LPAR1: variants seen among roughly 807,000 people sequenced by gnomAD.
LPAR1 encodes LPA receptor 1.
LPAR1 carries 5 observed loss-of-function variants against 23.8 expected under a neutral mutation model. The observed-to-expected ratio is 0.21, with a 90% CI of 0.11 to 0.44. The LOEUF (loss-of-function observed/expected upper bound fraction) is 0.44. Ranked by LOEUF, LPAR1 falls within the 20% of genes least tolerant of loss-of-function variation. The probability of loss-of-function intolerance (pLI) is 0.99; values close to 1 mark genes in which losing one functional copy is unlikely to be tolerated. For missense variants in LPAR1, 311 were observed against 482.8 expected (o/e 0.64, Z 3.33); for synonymous variants, 160 against 164.7 (o/e 0.97, Z 0.22).
At chr9:110,907,947 A>G (rs2091650374) in intron 5 of LPAR1, among the ~76,000 whole-genome samples, 1 of 151,614 alleles carries the variant, frequency 6.6e-6, no homozygotes, top group South Asian at 2.1e-4. Flanking sequence ...ACACACACAC[A>G]CACACACACA....
At chr9:111,020,422 C>T (rs1257411620) in intron 2 of LPAR1, among the ~76,000 whole-genome samples, 1 of 152,146 alleles carries the variant, frequency 6.6e-6, no homozygotes, top group Non-Finnish European at 1.5e-5. Flanking sequence ...TGACTAAACC[C>T]CTGCTTGAGT....
intron 4 of LPAR1, among the ~76,000 whole-genome samples, chr9:110,967,125 G>A (rs1184085194): frequency 3.9e-5 from 6 of 152,096 alleles, no homozygotes; most frequent in African/African-American, 1.2e-4. Flanking sequence ...TCAGTGTCTG[G>A]ACCAGCAGAA....
At chr9:110,992,577 G>C (rs896490334) in intron 2 of LPAR1, among the ~76,000 whole-genome samples, 1 of 152,040 alleles carries the variant, frequency 6.6e-6, no homozygotes, top group Non-Finnish European at 1.5e-5. Flanking sequence ...CCAAAAACTG[G>C]AAACAGCTCA....
At chr9:110,913,556 A>G (rs989248850) in intron 5 of LPAR1, among the ~76,000 whole-genome samples, 1 of 78,184 alleles carries the variant, frequency 1.3e-5, no homozygotes, top group African/African-American at 3.5e-5. Context: ...TTTAATAAGT[A>G]TATATATATA....
At chr9:111,027,737 C>T (rs1409486400) in intron 2 of LPAR1, among the ~76,000 whole-genome samples, 2 of 151,248 alleles carry the variant, frequency 1.3e-5, no homozygotes, top group Non-Finnish European at 2.9e-5. Context: ...CATGTGGATA[C>T]CTAGGAAAGA....
intron 2 of LPAR1, among the ~76,000 whole-genome samples, chr9:110,999,115 T>G (rs1483868686): frequency 6.6e-6 from 1 of 152,184 alleles, no homozygotes; most frequent in Non-Finnish European, 1.5e-5. Flanking sequence ...ATCCCGCACA[T>G]GGTCATAAAG....
chr9:111,021,764 C>A (rs2097564043), intron 2 of LPAR1, among the ~76,000 whole-genome samples: 1 of 151,908 alleles, frequency 6.6e-6, no homozygotes. Flanking sequence ...AGTTCAAGAC[C>A]AGCCTGACCA....
At chr9:111,021,223 G>A (rs920881868) in intron 2 of LPAR1, among the ~76,000 whole-genome samples, 3 of 152,096 alleles carry the variant, frequency 2.0e-5, no homozygotes, top group Admixed American at 1.3e-4. Flanking sequence ...GCATGGTGAC[G>A]ATACTTAATA....
intron 5 of LPAR1, among the ~76,000 whole-genome samples, chr9:110,892,767 GGGAAGGAAGGAA>G (rs757546909): frequency 0.03 from 2,967 of 97,312 alleles, 344 homozygotes; most frequent in Admixed American, 0.075. Flanking sequence ...AGGGGAGGAA[GGGAAGGAAGGAA>G]GGAAGGAAGG....
intron 5 of LPAR1, among the ~76,000 whole-genome samples, chr9:110,893,315 T>A (rs2133358209): frequency 6.6e-6 from 1 of 152,308 alleles, no homozygotes; most frequent in Non-Finnish European, 1.5e-5. Context: ...ATGAAATATT[T>A]ATAACGGTAG....
rs2078522913 is a variant in LPAR1, at chr9:110,873,442, C to T, written c.*1979G>A. On this transcript the variant is annotated 3_prime_UTR_variant, in exon 6 of 6. Coordinates refer to ENST00000683809, the MANE Select transcript of LPAR1 (RefSeq NM_001351411.2). ...AACACCTTTCTGCTAATCGGGTCCC[C>T]ACATTCTTTTCACTACAGGTACTTT... 1 of 152,194 alleles carries T rather than the reference C, an allele frequency of 6.6e-6. No homozygotes were observed. Among genetic ancestry groups the T allele is most frequent in the African/African-American group, 2.4e-5 (1 of 41,434 alleles). The allele number at this position is 152,194 out of a possible 1,614,324, so 9.4% of individuals were successfully genotyped here. A position where few individuals can be genotyped will look rare whatever the true frequency, so the allele number is the denominator to read the frequency against.
intron 4 of LPAR1, among the ~76,000 whole-genome samples, chr9:110,964,683 C>A (rs987102006): frequency 5.9e-5 from 9 of 151,548 alleles, no homozygotes; most frequent in African/African-American, 7.3e-5. Context: ...AAAAAAAAAC[C>A]CATTTAATGT....
At chr9:110,956,910 T>C (rs1323442928) in intron 4 of LPAR1, among the ~76,000 whole-genome samples, 1 of 152,004 alleles carries the variant, frequency 6.6e-6, no homozygotes, top group Admixed American at 6.6e-5. Flanking sequence ...CAAAGGGAGG[T>C]GATTTTTCCT....
At chr9:111,006,798 C>A (rs1236383503) in intron 2 of LPAR1, among the ~76,000 whole-genome samples, 1 of 152,074 alleles carries the variant, frequency 6.6e-6, no homozygotes, top group Non-Finnish European at 1.5e-5. Context: ...GCTATTTTAG[C>A]ATAAGGCCAA....
intron 5 of LPAR1, among the ~76,000 whole-genome samples, chr9:110,907,510 T>C (rs1206102142): frequency 1.3e-5 from 2 of 152,200 alleles, no homozygotes; most frequent in Admixed American, 1.3e-4. Context: ...GACTTTTCTG[T>C]AACAATGTTA....
intron 4 of LPAR1, among the ~76,000 whole-genome samples, chr9:110,959,066 A>AT (rs1234487071): frequency 6.7e-6 from 1 of 149,920 alleles, no homozygotes; most frequent in East Asian, 2.0e-4. Context: ...AAAAAAAAAA[A>AT]ATGCTGGCAA....
At chr9:110,964,061 T>C (rs564217404) in intron 4 of LPAR1, among the ~76,000 whole-genome samples, 2 of 152,394 alleles carry the variant, frequency 1.3e-5, no homozygotes, top group African/African-American at 4.8e-5. Context: ...TAATCCCTTA[T>C]TTCAGAGACT....
At chr9:111,036,250 A>G (rs528906260) in intron 1 of LPAR1, 49 bp from the exon 2 acceptor site, 16 of 152,272 alleles carry the variant, frequency 1.1e-4, no homozygotes, top group African/African-American at 3.9e-4. Flanking sequence ...AGTAGAAGTC[A>G]GACTGCAAGG....
At chr9:110,892,066 C>T (rs545175156) in intron 5 of LPAR1, among the ~76,000 whole-genome samples, 1 of 152,304 alleles carries the variant, frequency 6.6e-6, no homozygotes, top group South Asian at 2.1e-4. Flanking sequence ...AAGAATATGT[C>T]CACACAAAGA....
Sources: gnomAD v4.1 joint callset for allele counts (sites outside exome capture counted in the v4.1 genomes callset) on GRCh38, gnomAD v4.1.1 for gene constraint, MANE v1.5 for transcripts, NCBI Gene and HGNC (gene_info 2026-07-23, HGNC 2026-07-21) for gene names.